EYA4: variants seen among roughly 807,000 people sequenced by gnomAD.
EYA4 encodes protein phosphatase EYA4.
Under a neutral mutation model 87.9 loss-of-function variants are expected in EYA4, and 31 were observed. The ratio of observed to expected loss-of-function variants is 0.35; its 90% CI spans 0.27 to 0.48. The LOEUF is 0.48. Ranked by LOEUF, EYA4 falls within the 20% of genes least tolerant of loss-of-function variation. The pLI is 0.99. For missense variants in EYA4, 678 were observed against 761.4 expected, an observed-to-expected ratio of 0.89 and a Z score of 1.29; for synonymous variants, 263 against 270.6, an observed-to-expected ratio of 0.97 and a Z score of 0.28.
At chr6:133,321,429 C>T (rs1022596751) in intron 2 of EYA4, among the ~76,000 whole-genome samples, 6 of 152,150 alleles carry the variant, frequency 3.9e-5, no homozygotes, top group Non-Finnish European at 5.9e-5. Flanking sequence ...CTCATTTCAG[C>T]AGCTTTAAAT....
intron 16 of EYA4, 136 bp downstream of exon 16, chr6:133,513,174 T>G (rs1799305445): frequency 2.3e-6 from 2 of 875,504 alleles, no homozygotes; most frequent in Non-Finnish European, 3.6e-6. Context: ...AGCCAGAAGT[T>G]TCTTAGAATT....
chr6:133,505,818 G>C (rs189581980), intron 13 of EYA4, among the ~76,000 whole-genome samples: 1 of 152,132 alleles, frequency 6.6e-6, no homozygotes. Context: ...TGGGTCATAT[G>C]AACTAGCTGA....
intron 3 of EYA4, among the ~76,000 whole-genome samples, chr6:133,391,228 T>TTTTTGTTTTTG (rs1787260370): frequency 3.3e-4 from 12 of 36,864 alleles, no homozygotes; most frequent in South Asian, 1.3e-3. Flanking sequence ...TTTTGTTTTT[T>TTTTTGTTTTTG]TTTTTTTTTT....
chr6:133,375,095 G>A (rs903144161), intron 2 of EYA4, among the ~76,000 whole-genome samples: 12 of 151,974 alleles, frequency 7.9e-5, no homozygotes, highest in African/African-American at 2.4e-4. Context: ...TATAACGTAA[G>A]TGAAAGATAG....
chr6:133,387,164 C>T (rs1000958670), intron 3 of EYA4, among the ~76,000 whole-genome samples: 2 of 152,178 alleles, frequency 1.3e-5, no homozygotes, highest in Non-Finnish European at 1.5e-5. Flanking sequence ...AAATTCCTAA[C>T]TCCTATTATG....
chr6:133,347,603 C>A (rs144258694), intron 2 of EYA4, among the ~76,000 whole-genome samples: 16 of 152,266 alleles, frequency 1.1e-4, no homozygotes, highest in African/African-American at 3.8e-4. Context: ...TTATTGCTAA[C>A]CCCTATTATG....
At chr6:133,378,319 A>G (rs1785883313) in intron 2 of EYA4, among the ~76,000 whole-genome samples, 1 of 152,130 alleles carries the variant, frequency 6.6e-6, no homozygotes, top group Non-Finnish European at 1.5e-5. Flanking sequence ...CTAGTTCATA[A>G]GAGGAGGATT....
chr6:133,328,448 A>G (rs1376639053), intron 2 of EYA4, among the ~76,000 whole-genome samples: 1 of 152,148 alleles, frequency 6.6e-6, no homozygotes, highest in Non-Finnish European at 1.5e-5. Context: ...AGATCAATGT[A>G]AGTAATCTTC....
intron 3 of EYA4, among the ~76,000 whole-genome samples, chr6:133,441,151 C>G (rs1174456996): frequency 6.6e-6 from 1 of 152,100 alleles, no homozygotes; most frequent in East Asian, 1.9e-4. Context: ...TACTTATACT[C>G]AATTAAGTTT....
intron 1 of EYA4, among the ~76,000 whole-genome samples, chr6:133,271,780 CAG>C (rs1326915133): frequency 2.6e-5 from 4 of 152,188 alleles, no homozygotes; most frequent in Non-Finnish European, 2.9e-5. Context: ...TGGGCAATGA[CAG>C]GGGTGGCTGG....
At position 133,529,297 on chromosome 6, in the gene EYA4, T is replaced by C. The variant is rs1800865894; in HGVS notation, c.*492T>C. 2 of 990,566 alleles carry C rather than the reference T, an allele frequency of 2.0e-6. No homozygotes were observed. The highest frequency in any genetic ancestry group is 1.7e-5 in the African/African-American group (1 of 57,234). The allele number at this position is 990,566 out of a possible 1,614,324, so 61.4% of individuals were successfully genotyped here. ...TTAGACATGTAATTTGTGTAAATTA[T>C]TGATGAAAATAATTTACTGTGACTT... On this transcript the variant is annotated 3_prime_UTR_variant, in exon 20 of 20. Coordinates refer to ENST00000355286, the MANE Select transcript of EYA4 (RefSeq NM_004100.5).
intron 3 of EYA4, among the ~76,000 whole-genome samples, chr6:133,397,846 G>A (rs1331038173): frequency 4.6e-5 from 7 of 152,156 alleles, no homozygotes; most frequent in Non-Finnish European, 5.9e-5. Context: ...ATCAGATCTC[G>A]TGAGACTTAT....
intron 2 of EYA4, among the ~76,000 whole-genome samples, chr6:133,362,180 C>G (rs1784498152): frequency 6.6e-6 from 1 of 152,026 alleles, no homozygotes; most frequent in East Asian, 1.9e-4. Flanking sequence ...ACAGCTTATC[C>G]CCTCCTGTAG....
At chr6:133,475,448 C>T (rs3777866) in intron 11 of EYA4, among the ~76,000 whole-genome samples, 57,669 of 151,792 alleles carry the variant, frequency 0.38, 11,941 homozygotes, top group African/African-American at 0.55. Flanking sequence ...CATTAGCTAA[C>T]TGAACCTAAC....
chr6:133,314,853 T>G (rs1388840822), intron 2 of EYA4, among the ~76,000 whole-genome samples: 2 of 152,196 alleles, frequency 1.3e-5, no homozygotes, highest in African/African-American at 4.8e-5. Flanking sequence ...TAGTAGCTGG[T>G]GGTAGGAACT....
chr6:133,427,681 G>T (rs1259583281), intron 3 of EYA4, among the ~76,000 whole-genome samples: 1 of 152,024 alleles, frequency 6.6e-6, no homozygotes, highest in African/African-American at 2.4e-5. Context: ...TTTTTAAGAG[G>T]AGGGGGACTT....
intron 2 of EYA4, among the ~76,000 whole-genome samples, chr6:133,333,327 C>A (rs916878853): frequency 2.6e-5 from 4 of 152,120 alleles, no homozygotes; most frequent in Non-Finnish European, 4.4e-5. Flanking sequence ...AAGGAGCCCC[C>A]TTAAGAGGCA....
intron 12 of EYA4, among the ~76,000 whole-genome samples, chr6:133,482,017 A>G (rs1407979929): frequency 6.6e-6 from 1 of 152,238 alleles, no homozygotes; most frequent in Non-Finnish European, 1.5e-5. Context: ...AGAAAAATTC[A>G]TCTTCTAAAA....
intron 2 of EYA4, among the ~76,000 whole-genome samples, chr6:133,370,428 T>A (rs1329405834): frequency 6.6e-6 from 1 of 152,214 alleles, no homozygotes; most frequent in South Asian, 2.1e-4. Context: ...CACAGTTTTT[T>A]AGTACAAGGA....
Sources: allele counts gnomAD v4.1 joint callset (sites outside exome capture counted in the v4.1 genomes callset), GRCh38; gene constraint gnomAD v4.1.1; transcripts MANE v1.5; gene names NCBI Gene and HGNC (gene_info 2026-07-23, HGNC 2026-07-21).